ZNF475: variants seen among roughly 807,000 people sequenced by gnomAD.
ZNF475 encodes the protein zinc finger protein 475.
chr5:122,160,267 C>T, the ZNF475 span: 15 of 1,289,778 alleles, frequency 1.2e-5, no homozygotes, highest in South Asian at 3.7e-5. Flanking sequence ...ACTAAGGTAA[C>T]AGGACCAGTT....
chr5:122,160,322 T>A, the ZNF475 span: 1 of 1,231,946 alleles, frequency 8.1e-7, no homozygotes, highest in Middle Eastern at 2.2e-4. Context: ...AGGGAATTTG[T>A]GTATATGTAT....
the ZNF475 span, among the ~76,000 whole-genome samples, chr5:122,174,359 G>T: frequency 6.6e-6 from 1 of 152,152 alleles, no homozygotes; most frequent in Non-Finnish European, 1.5e-5. Context: ...ACTGACAATT[G>T]TAAAATCAAT....
At chr5:122,170,784 T>G in the ZNF475 span, among the ~76,000 whole-genome samples, 8 of 152,224 alleles carry the variant, frequency 5.3e-5, no homozygotes, top group African/African-American at 7.2e-5. Flanking sequence ...TTGGTCATTC[T>G]GGCAACCAGC....
At chr5:122,168,597 C>G in the ZNF475 span, among the ~76,000 whole-genome samples, 1 of 152,200 alleles carries the variant, frequency 6.6e-6, no homozygotes, top group East Asian at 1.9e-4. Context: ...CCTGTAGTCC[C>G]AGCTGCTCCA....
At chr5:122,164,535 T>C in the ZNF475 span, among the ~76,000 whole-genome samples, 14 of 152,130 alleles carry the variant, frequency 9.2e-5, no homozygotes, top group African/African-American at 1.7e-4. Flanking sequence ...GTTTGTGTGA[T>C]AGCTGTGTGC....
chr5:122,170,405 G>A, the ZNF475 span, among the ~76,000 whole-genome samples: 1 of 152,098 alleles, frequency 6.6e-6, no homozygotes, highest in African/African-American at 2.4e-5. Flanking sequence ...CTCCCTTCAC[G>A]CTTAATAATT....
chr5:122,164,599 C>T, the ZNF475 span, among the ~76,000 whole-genome samples: 1 of 152,170 alleles, frequency 6.6e-6, no homozygotes, highest in Non-Finnish European at 1.5e-5. Context: ...CTCACCCCAG[C>T]AGCCAACTAC....
the ZNF475 span, chr5:122,179,595 G>A: frequency 6.4e-4 from 975 of 1,527,616 alleles, 6 homozygotes; most frequent in African/African-American, 0.012. Context: ...CTACATTTGT[G>A]GTCGTGAATA....
At chr5:122,178,312 A>T in the ZNF475 span, among the ~76,000 whole-genome samples, 664 of 152,304 alleles carry the variant, frequency 4.4e-3, 7 homozygotes, top group African/African-American at 0.015. Context: ...TCCTTGAAGA[A>T]TCGCCACACT....
the ZNF475 span, chr5:122,163,288 A>T: frequency 1.3e-5 from 2 of 152,378 alleles, no homozygotes; most frequent in African/African-American, 4.8e-5. Flanking sequence ...TTATGAGAAC[A>T]AATGAAATAA....
the ZNF475 span, among the ~76,000 whole-genome samples, chr5:122,178,257 C>T: frequency 6.6e-6 from 1 of 152,144 alleles, no homozygotes; most frequent in East Asian, 1.9e-4. Context: ...TGGGTATATA[C>T]CCAGTAATGG....
the ZNF475 span, among the ~76,000 whole-genome samples, chr5:122,176,967 A>T: frequency 6.6e-6 from 1 of 152,200 alleles, no homozygotes; most frequent in African/African-American, 2.4e-5. Flanking sequence ...ACTCTCCCAT[A>T]GATTTGGTTC....
At chr5:122,168,882 T>C in the ZNF475 span, among the ~76,000 whole-genome samples, 3 of 152,256 alleles carry the variant, frequency 2.0e-5, no homozygotes, top group East Asian at 5.8e-4. Flanking sequence ...AGCTCTCTTA[T>C]AGAAAGCCCT....
At chr5:122,166,782 A>T in the ZNF475 span, among the ~76,000 whole-genome samples, 3 of 152,238 alleles carry the variant, frequency 2.0e-5, no homozygotes, top group Admixed American at 6.5e-5. Context: ...TATTGTGAAT[A>T]GTGCTGCAAT....
chr5:122,175,589 C>G, the ZNF475 span, among the ~76,000 whole-genome samples: 5 of 152,178 alleles, frequency 3.3e-5, no homozygotes, highest in Non-Finnish European at 5.9e-5. Context: ...GAATTCAAAT[C>G]TCTTCATTCT....
At chr5:122,182,523 G>T in the ZNF475 span, 2 of 1,526,338 alleles carry the variant, frequency 1.3e-6, no homozygotes, top group South Asian at 1.2e-5. Context: ...TGCTTTAAAT[G>T]AAGCTGCTTG....
chr5:122,160,348 TG>T, the ZNF475 span: 2 of 1,099,694 alleles, frequency 1.8e-6, no homozygotes, highest in Non-Finnish European at 2.5e-6. Flanking sequence ...GTGTGGAATA[TG>T]TGTGTGTCGA....
the ZNF475 span, among the ~76,000 whole-genome samples, chr5:122,171,416 T>C: frequency 6.6e-6 from 1 of 152,294 alleles, no homozygotes; most frequent in African/African-American, 2.4e-5. Context: ...AGTAGACACG[T>C]ATATGTTTTC....
chr5:122,168,813 A>G, the ZNF475 span, among the ~76,000 whole-genome samples: 12 of 152,176 alleles, frequency 7.9e-5, no homozygotes, highest in South Asian at 6.2e-4. Context: ...ACTCAACACA[A>G]TCCCCAAAAT....
Sources: gnomAD v4.1 joint callset for allele counts (sites outside exome capture counted in the v4.1 genomes callset) on GRCh38, gnomAD v4.1.1 for gene constraint, MANE v1.5 for transcripts, NCBI Gene and HGNC (gene_info 2026-07-23, HGNC 2026-07-21) for gene names.